ACOX1: variants seen among roughly 807,000 people sequenced by gnomAD.
The protein encoded by ACOX1 is peroxisomal acyl-coenzyme A oxidase 1.
In ACOX1, 41 loss-of-function variants were observed where a neutral mutation model predicts 75.5. The observed-to-expected ratio is 0.54, with a 90% CI of 0.42 to 0.70. The LOEUF is 0.70. Ranked by LOEUF, ACOX1 falls within the 30% of genes least tolerant of loss-of-function variation. The pLI is 0.00. For missense variants in ACOX1, 630 were observed against 837.5 expected (o/e 0.75, Z 3.06); for synonymous variants, 303 against 298.8 (o/e 1.01, Z -0.15).
At chr17:75,976,666 G>A (rs1298602397) in intron 2 of ACOX1, among the ~76,000 whole-genome samples, 2 of 152,186 alleles carry the variant, frequency 1.3e-5, no homozygotes, top group African/African-American at 4.8e-5. Flanking sequence ...GGAGCTCTGA[G>A]GAAAGTCCAA....
intron 2 of ACOX1, among the ~76,000 whole-genome samples, chr17:75,975,150 C>T (rs931207458): frequency 1.3e-5 from 2 of 151,020 alleles, no homozygotes; most frequent in African/African-American, 2.4e-5. Context: ...ACACGGTTAT[C>T]CCCGCCATTT....
intron 2 of ACOX1, among the ~76,000 whole-genome samples, chr17:75,969,994 G>T (rs1049175718): frequency 6.6e-6 from 1 of 151,938 alleles, no homozygotes; most frequent in Non-Finnish European, 1.5e-5. Flanking sequence ...AGACCAGCCT[G>T]GCCAACATGG....
chr17:75,967,719 C>T (rs537634118), intron 2 of ACOX1, among the ~76,000 whole-genome samples: 2 of 125,412 alleles, frequency 1.6e-5, no homozygotes, highest in African/African-American at 2.9e-5. Flanking sequence ...TATATATATA[C>T]ACATATATAT....
chr17:75,965,337 C>CA (rs11293371), intron 2 of ACOX1, among the ~76,000 whole-genome samples: 24,642 of 81,338 alleles, frequency 0.3, 3,931 homozygotes, highest in African/African-American at 0.44. Flanking sequence ...GACTCTGTCT[C>CA]AAAAAAAAAA....
At chr17:75,972,277 A>G (rs2144311447) in intron 2 of ACOX1, among the ~76,000 whole-genome samples, 1 of 147,966 alleles carries the variant, frequency 6.8e-6, no homozygotes, top group Non-Finnish European at 1.5e-5. Context: ...CACCGAGCCG[A>G]GATGGCACAA....
chr17:75,954,772 A>C (rs1028860593), intron 6 of ACOX1, among the ~76,000 whole-genome samples: 2 of 151,202 alleles, frequency 1.3e-5, no homozygotes, highest in Admixed American at 1.3e-4. Flanking sequence ...GGTTTTCACC[A>C]TATTGGTCAG....
Position 75,979,125 on chromosome 17 carries a change from A to G in ACOX1, c.-52T>C, listed in dbSNP as rs1327526390. 6.2e-7 allele frequency: 1 copy of G among 1,602,320 alleles called. No homozygotes were observed. The highest frequency in any genetic ancestry group is 2.2e-5 in the East Asian group (1 of 44,790). On this transcript the variant is annotated 5_prime_UTR_variant, in exon 1 of 14. Transcript: ENST00000293217. Reference sequence around the variant, plus strand: ...AGCACCGACCGAGGTGGCAGTGACAATCTAAATCCGCAGCTCCAGCGCCGG... The same window carrying G: ...AGCACCGACCGAGGTGGCAGTGACAGTCTAAATCCGCAGCTCCAGCGCCGG...
intron 2 of ACOX1, among the ~76,000 whole-genome samples, chr17:75,963,683 C>G (rs1386688034): frequency 6.8e-6 from 1 of 147,522 alleles, no homozygotes; most frequent in African/African-American, 2.5e-5. Context: ...GGCAACAGAG[C>G]AAGACTCTAT....
rs55909021 is a variant in ACOX1 at position 75,968,435 on chromosome 17, CA to C, written c.270-8061del. On this transcript the variant is annotated intron_variant, in intron 2 of 13. Coordinates refer to ENST00000293217, the MANE Select transcript of ACOX1 (RefSeq NM_004035.7). Reference sequence around the variant, plus strand: ...TGGGCGACAGAGCGAGACTCCGTCTCAAAAAAAAAAAAAAAAAAAAGTTAGC... The same window carrying C: ...TGGGCGACAGAGCGAGACTCCGTCTCAAAAAAAAAAAAAAAAAAAGTTAGC... 4.6e-3 allele frequency among the ~76,000 whole-genome samples: 96 copies of C among 21,006 alleles called. 2 individuals are homozygous for C. Among genetic ancestry groups the C allele is most frequent in the South Asian group, 0.011 (7 of 660 alleles). The allele number at this position is 21,006 out of a possible 152,430, so 13.8% of individuals were successfully genotyped here.
chr17:75,951,613 A>G (rs1598176464), intron 7 of ACOX1, 36 bp from the exon 8 acceptor site: 1 of 1,607,484 alleles, frequency 6.2e-7, no homozygotes, highest in Non-Finnish European at 8.5e-7. Context: ...AGTAGTAAGT[A>G]AATGTTTATA....
At chr17:75,969,950 C>T (rs911826403) in intron 2 of ACOX1, among the ~76,000 whole-genome samples, 6 of 151,774 alleles carry the variant, frequency 4.0e-5, no homozygotes, top group South Asian at 2.1e-4. Context: ...TTTGGGAGGC[C>T]GAGGTGGGCA....
At position 75,945,083 on chromosome 17, in the gene ACOX1, T is replaced by A. The variant is rs1222789747; in HGVS notation, c.*1665A>T. ...TTTAAATAAAACGTGAGGTACTGGG[T>A]CAAAGGGGGCTCTGCAGGTCGATGA... On this transcript the variant is annotated 3_prime_UTR_variant, in exon 14 of 14. Transcript: ENST00000293217. 1 of 152,006 alleles carries A rather than the reference T, an allele frequency of 6.6e-6. No individual in the cohort carries two copies. The highest frequency in any genetic ancestry group is 1.5e-5 in the Non-Finnish European group (1 of 67,980). The allele number at this position is 152,006 out of a possible 1,614,324, so 9.4% of individuals were successfully genotyped here. A position where few individuals can be genotyped will look rare whatever the true frequency, so the allele number is the denominator to read the frequency against.
chr17:75,963,084 TGG>T, intron 2 of ACOX1, among the ~76,000 whole-genome samples: 2 of 146,696 alleles, frequency 1.4e-5, no homozygotes, highest in South Asian at 4.2e-4. Flanking sequence ...TGAGCCACGA[TGG>T]CACCACTGCA....
chr17:75,967,468 C>CAA (rs1230377047), intron 2 of ACOX1, among the ~76,000 whole-genome samples: 5 of 125,354 alleles, frequency 4.0e-5, no homozygotes, highest in African/African-American at 1.2e-4. Flanking sequence ...GACTATGTCT[C>CAA]AAAAAAAAAA....
rs1024226595 is a variant in ACOX1 at position 75,946,238 on chromosome 17, G to C, written c.*510C>G. On this transcript the variant is annotated 3_prime_UTR_variant, in exon 14 of 14. Transcript: ENST00000293217. ...GACTGTGCCAAGCAGAAACTCATTC[G>C]CATCAAGTTTTCCAATAAGTTTCCT... 1 of 182,736 alleles carries C rather than the reference G, an allele frequency of 5.5e-6. No individual in the cohort carries two copies. Among genetic ancestry groups the C allele is most frequent in the African/African-American group, 2.4e-5 (1 of 41,686 alleles). 11.3% of individuals were successfully genotyped at this position (182,736 alleles called of 1,614,324 possible). A position where few individuals can be genotyped will look rare whatever the true frequency, so the allele number is the denominator to read the frequency against.
chr17:75,960,150 C>A lies in ACOX1; in HGVS notation c.430+65G>T, dbSNP rs2065874091. The A allele has an allele frequency of 7.5e-6, 12 of 1,592,746 alleles. No homozygotes were observed. The South Asian group carries it at 1.2e-4, about 16-fold the overall frequency. ...CACACCATCGATGGCACATGGTGGG[C>A]ACTCCACACATGGTAAGCTCACAGG... On this transcript the variant is annotated intron_variant, in intron 3 of 13. Transcript: ENST00000293217. This position sits in a 1 kb window ranked among gnomAD's most constrained non-coding sequence, Gnocchi z 4.4.
Position 75,946,706 on chromosome 17 carries a change from C to CA in ACOX1, c.*41dup. On this transcript the variant is annotated 3_prime_UTR_variant, in exon 14 of 14. Transcript: ENST00000293217. ...GATTCCACAAAATTTGAGTTGCACA[C>CA]AGGCGCTTTCTGAAGCAGATTAAAC... The CA allele has an allele frequency of 6.3e-7, 1 of 1,592,264 alleles. No individual in the cohort carries two copies. Among genetic ancestry groups the CA allele is most frequent in the Non-Finnish European group, 8.6e-7 (1 of 1,160,532 alleles).
At chr17:75,949,117 C>G in intron 12 of ACOX1, 100 bp downstream of exon 12, 1 of 1,437,480 alleles carries the variant, frequency 7.0e-7, no homozygotes, top group Non-Finnish European at 9.7e-7. Flanking sequence ...GCCTTGGGCT[C>G]CCAAAGTGCT....
rs945205055 is a variant in ACOX1 at position 75,949,107 on chromosome 17, G to A, written c.1728+110C>T. 317 of 1,291,914 alleles carry A rather than the reference G, an allele frequency of 2.5e-4. No homozygotes were observed. The highest frequency in any genetic ancestry group is 2.8e-4 in the Non-Finnish European group (249 of 905,342). 80.0% of individuals were successfully genotyped at this position (1,291,914 alleles called of 1,614,324 possible). A position where few individuals can be genotyped will look rare whatever the true frequency, so the allele number is the denominator to read the frequency against. On this transcript the variant is annotated intron_variant, in intron 12 of 13. Coordinates refer to ENST00000293217, the MANE Select transcript of ACOX1 (RefSeq NM_004035.7). ...CTGACCTCAAGTGATCACCGTACCC[G>A]CCTTGGGCTCCCAAAGTGCTGGGAT...
Sources: gnomAD v4.1 joint callset for allele counts (sites outside exome capture counted in the v4.1 genomes callset) on GRCh38, gnomAD v4.1.1 for gene constraint, Gnocchi (gnomAD v3.1) non-coding constraint, MANE v1.5 for transcripts, NCBI Gene and HGNC (gene_info 2026-07-23, HGNC 2026-07-21) for gene names.